MTMR8: variants seen among roughly 807,000 people sequenced by gnomAD.
MTMR8 encodes myotubularin related protein 8.
Under a neutral mutation model 39.3 loss-of-function variants are expected in MTMR8, and 65 were observed. The observed-to-expected ratio is 1.65, with a 90% CI of 1.35 to 2.03. The LOEUF is 2.03. Among genes scored for constraint, MTMR8 ranks in the 30% most tolerant of loss-of-function variants. MTMR8 has a pLI of 0.00. For missense variants in MTMR8, 777 were observed against 538.9 expected (o/e 1.44, Z -4.37); for synonymous variants, 245 against 185.2 (o/e 1.32, Z -2.62).
At position 64,349,979 on chromosome X, in the gene MTMR8, C is replaced by T. The variant is rs1373148316; in HGVS notation, c.560G>A (p.Arg187His). ...VGSSKFRSKE[R>H]VPVLSYLYKE... is the part of the protein sequence containing the mutation. ...GTAGAGGTAGGAGAGCACAGGGACACGTTCTTTACTTCTGAACTTTGAACT... is the reference window on the plus strand; with the variant it reads ...GTAGAGGTAGGAGAGCACAGGGACATGTTCTTTACTTCTGAACTTTGAACT... Residue 187 changes from arginine to histidine, a missense_variant, in exon 5 of 14, where the codon CGT becomes CAT. Arg to His is a conservative substitution (Grantham distance 29, BLOSUM62 0). Transcript: ENST00000374852. 5.9e-6 allele frequency: 7 copies of T among 1,193,741 alleles called. No homozygotes were observed. Among genetic ancestry groups the T allele is most frequent in the East Asian group, 6.0e-5 (2 of 33,253 alleles).
At chrX:64,340,795 T>C (rs1360974906) in intron 8 of MTMR8, among the ~76,000 whole-genome samples, 1 of 111,746 alleles carries the variant, frequency 8.9e-6, no homozygotes, top group African/African-American at 3.3e-5. Context: ...ATTTCACTAA[T>C]GATTAAAGAA....
chrX:64,351,582 G>A (rs937128767), intron 4 of MTMR8, among the ~76,000 whole-genome samples: 13 of 111,014 alleles, frequency 1.2e-4, no homozygotes, highest in African/African-American at 3.3e-4. Context: ...ACAGTAGGCC[G>A]TCTGCAAGTT....
intron 1 of MTMR8, among the ~76,000 whole-genome samples, chrX:64,362,283 T>C (rs1923801894): frequency 9.4e-6 from 1 of 106,562 alleles, no homozygotes; most frequent in Non-Finnish European, 1.9e-5. Flanking sequence ...CAATCATATT[T>C]CAAAGTGGAT....
intron 12 of MTMR8, among the ~76,000 whole-genome samples, chrX:64,273,242 A>G (rs1931800164): frequency 9.0e-6 from 1 of 111,502 alleles, no homozygotes; most frequent in Non-Finnish European, 1.9e-5. Context: ...AATAATTATA[A>G]AGTATGCTAA....
rs1041548948 is a variant in MTMR8 at position 64,346,541 on chromosome X, A to AAAT, written c.733-1367_733-1365dup. 1.8e-3 allele frequency among the ~76,000 whole-genome samples: 198 copies of AAAT among 109,598 alleles called. 3 individuals are homozygous for AAAT. Among genetic ancestry groups the AAAT allele is most frequent in the Non-Finnish European group, 5.9e-4 (31 of 52,512 alleles). ...TTTGTTATGAGTGATGCTTCAGCAA[A>AAAT]AATAATAATAATAATAATAATTACA... On this transcript the variant is annotated intron_variant, in intron 6 of 13. Coordinates refer to ENST00000374852, the MANE Select transcript of MTMR8 (RefSeq NM_017677.4).
chrX:64,275,127 ATTT>A (rs1389792121), intron 12 of MTMR8, among the ~76,000 whole-genome samples: 1 of 111,734 alleles, frequency 8.9e-6, no homozygotes, highest in Non-Finnish European at 1.9e-5. Context: ...ATCATTCCAC[ATTT>A]TATTCATATA....
At chrX:64,336,843 G>T (rs1427292949) in intron 9 of MTMR8, among the ~76,000 whole-genome samples, 1 of 111,729 alleles carries the variant, frequency 9.0e-6, no homozygotes, top group Non-Finnish European at 1.9e-5. Flanking sequence ...AAAGAAATGA[G>T]AATAAACCAC....
intron 12 of MTMR8, among the ~76,000 whole-genome samples, chrX:64,314,865 C>G (rs1022257572): frequency 3.6e-5 from 4 of 111,541 alleles, no homozygotes; most frequent in Admixed American, 1.9e-4. Context: ...AGCTCAGAAG[C>G]TATGATGCAG....
At chrX:64,298,740 T>G (rs1316418781) in intron 12 of MTMR8, among the ~76,000 whole-genome samples, 1 of 71,835 alleles carries the variant, frequency 1.4e-5, no homozygotes, top group Admixed American at 1.3e-4. Context: ...CTTATTATTT[T>G]GAAATATGTC....
At chrX:64,289,497 C>T (rs918021992) in intron 12 of MTMR8, among the ~76,000 whole-genome samples, 1 of 108,629 alleles carries the variant, frequency 9.2e-6, no homozygotes, top group African/African-American at 3.4e-5. Flanking sequence ...ATTAGCTGGG[C>T]GTGGTGGCAC....
At chrX:64,274,339 C>T (rs956055676) in intron 12 of MTMR8, among the ~76,000 whole-genome samples, 1 of 111,846 alleles carries the variant, frequency 8.9e-6, no homozygotes, top group African/African-American at 3.2e-5. Flanking sequence ...AATTAAAAAA[C>T]TTAAACACTC....
At chrX:64,388,742 G>T (rs1416063035) in intron 1 of MTMR8, among the ~76,000 whole-genome samples, 1 of 112,463 alleles carries the variant, frequency 8.9e-6, no homozygotes, top group Non-Finnish European at 1.9e-5. Context: ...CACACACACA[G>T]TTCTGTGGTC....
At chrX:64,295,580 T>C (rs902929307) in intron 12 of MTMR8, among the ~76,000 whole-genome samples, 2 of 111,388 alleles carry the variant, frequency 1.8e-5, no homozygotes, top group African/African-American at 6.5e-5. Context: ...GGGATTGATA[T>C]AAAGAATATA....
At chrX:64,376,297 A>G (rs892509458) in intron 1 of MTMR8, among the ~76,000 whole-genome samples, 1 of 112,352 alleles carries the variant, frequency 8.9e-6, no homozygotes, top group African/African-American at 3.2e-5. Context: ...GGCTCACAAG[A>G]AGACAGGAAG....
In MTMR8 at chrX:64,368,764, C is replaced by A. The variant is rs142352735; in HGVS notation, c.25-9237G>T. On this transcript the variant is annotated intron_variant, in intron 1 of 13. Transcript: ENST00000374852. ...GAAAGCCAAAATATACAAATGGAAT[C>A]TAATTAAACTAAAGAGCTTCTGCAA... 4.6e-4 allele frequency among the ~76,000 whole-genome samples: 52 copies of A among 112,203 alleles called. No homozygotes were observed. The East Asian group carries it at 0.012, about 27-fold the overall frequency.
At chrX:64,270,815 G>A in intron 13 of MTMR8, 132 bp downstream of exon 13, 4 of 635,533 alleles carry the variant, frequency 6.3e-6, no homozygotes, top group Non-Finnish European at 9.1e-6. Context: ...TTGTAGACAC[G>A]GGACACATGA....
intron 1 of MTMR8, among the ~76,000 whole-genome samples, chrX:64,371,172 A>G (rs1285184447): frequency 8.9e-6 from 1 of 111,755 alleles, no homozygotes; most frequent in Admixed American, 9.5e-5. Flanking sequence ...CAAATCAATC[A>G]GTATCAAAAA....
At chrX:64,275,963 C>A (rs1931863842) in intron 12 of MTMR8, among the ~76,000 whole-genome samples, 1 of 111,460 alleles carries the variant, frequency 9.0e-6, no homozygotes, top group South Asian at 3.7e-4. Context: ...AATCAGGAAT[C>A]AAAAATCTCC....
intron 12 of MTMR8, among the ~76,000 whole-genome samples, chrX:64,286,516 T>C (rs943957884): frequency 9.0e-6 from 1 of 111,565 alleles, no homozygotes; most frequent in African/African-American, 3.3e-5. Flanking sequence ...CAAAAGAAGA[T>C]AATTTTAGAC....
Sources: gnomAD v4.1 joint callset for allele counts (sites outside exome capture counted in the v4.1 genomes callset) on GRCh38, gnomAD v4.1.1 for gene constraint, MANE v1.5 for transcripts, NCBI Gene and HGNC (gene_info 2026-07-23, HGNC 2026-07-21) for gene names.